KIAA0319: variants seen among roughly 807,000 people sequenced by gnomAD.
The protein encoded by KIAA0319 is dyslexia-associated protein KIAA0319.
A neutral mutation model predicts 108.4 loss-of-function variants in KIAA0319; 83 were observed. That is an observed-to-expected ratio of 0.77 (90% CI 0.64 to 0.92). The LOEUF is 0.92. Ranked by LOEUF, KIAA0319 falls within the 40% of genes least tolerant of loss-of-function variation. The pLI is 0.00. For missense variants in KIAA0319, 1,195 were observed against 1,322.4 expected, an observed-to-expected ratio of 0.90 and a Z score of 1.49; for synonymous variants, 484 against 510.4, an observed-to-expected ratio of 0.95 and a Z score of 0.70.
intron 17 of KIAA0319, among the ~76,000 whole-genome samples, chr6:24,558,401 A>G (rs200408961): frequency 2.9e-5 from 4 of 137,186 alleles, no homozygotes; most frequent in African/African-American, 7.5e-5. Flanking sequence ...AGATAGATAG[A>G]TAGATATCTG....
chr6:24,555,515 AAAAAG>A, intron 18 of KIAA0319, among the ~76,000 whole-genome samples: 1 of 149,406 alleles, frequency 6.7e-6, no homozygotes, highest in Non-Finnish European at 1.5e-5. Context: ...AAAAAAAAAA[AAAAAG>A]GTTTAACTTT....
rs750322923 is a variant in KIAA0319 at position 24,559,083 on chromosome 6, A to G, written c.2664T>C (p.Asn888=). Reference sequence around the variant, plus strand: ...TCTCCTTTGAGAGCCGCATGTGCAGATTTCGGGCCACTTCAGCAGCTTTGA... The same window carrying G: ...TCTCCTTTGAGAGCCGCATGTGCAGGTTTCGGGCCACTTCAGCAGCTTTGA... The part of the protein sequence containing the change: ...KVLKAAEVAR[N]LHMRLSKEKA... Residue 888 remains asparagine (N), a synonymous_variant, in exon 17 of 21, where the codon AAT becomes AAC. Transcript: ENST00000378214. 1 of 1,613,822 alleles carries G rather than the reference A, an allele frequency of 6.2e-7. No homozygotes were observed. Among genetic ancestry groups the G allele is most frequent in the South Asian group, 1.1e-5 (1 of 91,014 alleles).
chr6:24,620,147 T>C (rs967295782), intron 1 of KIAA0319, among the ~76,000 whole-genome samples: 21 of 152,202 alleles, frequency 1.4e-4, no homozygotes, highest in Non-Finnish European at 4.4e-5. Context: ...ATGAAAAAAG[T>C]ATGCAAAACT....
intron 7 of KIAA0319, 78 bp from the exon 8 acceptor site, chr6:24,580,028 T>A: frequency 8.9e-7 from 1 of 1,120,484 alleles, no homozygotes; most frequent in Non-Finnish European, 1.3e-6. Context: ...TCATCTACTT[T>A]AAAAAATTGA....
chr6:24,568,583 G>A (rs1369218949), intron 13 of KIAA0319, among the ~76,000 whole-genome samples, 198 bp downstream of exon 13: 1 of 152,362 alleles, frequency 6.6e-6, no homozygotes, highest in Middle Eastern at 3.4e-3. Flanking sequence ...AAAAGGAAAT[G>A]TCTGCTTGCA....
intron 1 of KIAA0319, among the ~76,000 whole-genome samples, chr6:24,630,683 GTATATATATATA>G (rs563881076): frequency 9.9e-6 from 1 of 100,694 alleles, no homozygotes; most frequent in African/African-American, 3.1e-5. Flanking sequence ...GTGTATATGT[GTATATATATATA>G]TATATATACA....
At chr6:24,556,760 C>T (rs1215183753) in intron 17 of KIAA0319, 31 bp from the exon 18 acceptor site, 1 of 1,590,664 alleles carries the variant, frequency 6.3e-7, no homozygotes. Flanking sequence ...CTGAGGGCAG[C>T]ATGCAGAAAA....
At chr6:24,551,081 C>T (rs984678022) in intron 20 of KIAA0319, among the ~76,000 whole-genome samples, 1 of 152,114 alleles carries the variant, frequency 6.6e-6, no homozygotes, top group Non-Finnish European at 1.5e-5. Flanking sequence ...CAGTCTCAAG[C>T]TATTCTTCTG....
intron 4 of KIAA0319, among the ~76,000 whole-genome samples, chr6:24,587,319 C>G (rs1271434951): frequency 6.6e-6 from 1 of 152,000 alleles, no homozygotes; most frequent in Non-Finnish European, 1.5e-5. Context: ...CTCTGTCGCC[C>G]AGGCTGGACA....
At chr6:24,626,882 T>C (rs1030394464) in intron 1 of KIAA0319, among the ~76,000 whole-genome samples, 9 of 152,152 alleles carry the variant, frequency 5.9e-5, no homozygotes, top group Non-Finnish European at 1.5e-5. Flanking sequence ...TTCCAGAAGC[T>C]AGGCGGCTTC....
chr6:24,610,844 T>C (rs931997729), intron 1 of KIAA0319, among the ~76,000 whole-genome samples: 1 of 151,910 alleles, frequency 6.6e-6, no homozygotes, highest in East Asian at 1.9e-4. Flanking sequence ...CAAACATTCA[T>C]CAACTGAAAA....
intron 19 of KIAA0319, among the ~76,000 whole-genome samples, chr6:24,552,743 T>C (rs997672892): frequency 6.6e-6 from 1 of 152,094 alleles, no homozygotes; most frequent in African/African-American, 2.4e-5. Context: ...GTAGCTGGGA[T>C]TACAGGCATG....
intron 1 of KIAA0319, among the ~76,000 whole-genome samples, chr6:24,612,277 C>G (rs114884440): frequency 6.6e-6 from 1 of 151,808 alleles, no homozygotes; most frequent in Non-Finnish European, 1.5e-5. Context: ...CACAGCGAGA[C>G]CTCATCTCCA....
chr6:24,584,725 G>A (rs1356434671), intron 4 of KIAA0319, among the ~76,000 whole-genome samples: 5 of 152,210 alleles, frequency 3.3e-5, no homozygotes, highest in Non-Finnish European at 5.9e-5. Context: ...GTCCAAGGCT[G>A]TATGGTAATT....
downstream of KIAA0319, among the ~76,000 whole-genome samples, chr6:24,540,827 A>C (rs897032680): frequency 6.6e-6 from 1 of 152,194 alleles, no homozygotes; most frequent in Non-Finnish European, 1.5e-5. Context: ...CCCTTCACCC[A>C]GTGGTTCGCT....
intron 3 of KIAA0319, among the ~76,000 whole-genome samples, chr6:24,589,932 G>A (rs1446454967): frequency 6.6e-6 from 1 of 152,148 alleles, no homozygotes; most frequent in Non-Finnish European, 1.5e-5. Context: ...GTGCTGGAGG[G>A]AAAAGTCTCA....
At chr6:24,634,149 G>C (rs1282190843) in intron 1 of KIAA0319, among the ~76,000 whole-genome samples, 1 of 152,180 alleles carries the variant, frequency 6.6e-6, no homozygotes, top group Non-Finnish European at 1.5e-5. Flanking sequence ...TGTCATGAAG[G>C]ACTGAAAGCG....
At chr6:24,623,811 A>C (rs1774296780) in intron 1 of KIAA0319, among the ~76,000 whole-genome samples, 1 of 152,146 alleles carries the variant, frequency 6.6e-6, no homozygotes, top group Admixed American at 6.6e-5. Context: ...GAAATGATAA[A>C]TATTTGAGGT....
intron 8 of KIAA0319, among the ~76,000 whole-genome samples, chr6:24,579,412 G>GATTATATATATATATATATATATAT (rs1766042061): frequency 7.9e-6 from 1 of 127,254 alleles, no homozygotes; most frequent in African/African-American, 3.2e-5. Context: ...TCTATATAAA[G>GATTATATATATATATATATATATAT]ATATATATAT....
Sources: gnomAD v4.1 joint callset for allele counts (sites outside exome capture counted in the v4.1 genomes callset) on GRCh38, gnomAD v4.1.1 for gene constraint, MANE v1.5 for transcripts, NCBI Gene and HGNC (gene_info 2026-07-23, HGNC 2026-07-21) for gene names.